Variants in NLRP9 observed in about 807,000 individuals in gnomAD.
The protein encoded by NLRP9 is NLR family pyrin domain containing 9.
In NLRP9, 88 loss-of-function variants were observed where a neutral mutation model predicts 83.1. The ratio of observed to expected loss-of-function variants is 1.06; its 90% CI spans 0.89 to 1.26. The LOEUF (loss-of-function observed/expected upper bound fraction) is 1.26, where lower values mean the gene tolerates loss of function less well. Among genes scored for constraint, NLRP9 ranks in the 50% most tolerant of loss-of-function variants. NLRP9 has a pLI of 0.00. For synonymous variants in NLRP9, 521 were observed against 447.6 expected (o/e 1.16, Z -2.07); for missense variants, 1,308 against 1,179.3 (o/e 1.11, Z -1.60).
At chr19:55,711,527 C>T (rs1272049324) in intron 8 of NLRP9, 12 of 1,271,392 alleles carry the variant, frequency 9.4e-6, no homozygotes, top group Non-Finnish European at 1.3e-5. Flanking sequence ...AACTGTGTCT[C>T]CGAGGGACTT....
chr19:55,733,119 G>T lies in NLRP9; in HGVS notation c.712C>A (p.Gln238Lys), dbSNP rs748100092. The change falls in exon 2 of 9, where the codon CAA (glutamine) becomes AAA (lysine). Residue 238 changes from glutamine to lysine, a missense_variant. Gln to Lys is a moderately conservative substitution (Grantham distance 53). Coordinates refer to ENST00000332836, the MANE Select transcript of NLRP9 (RefSeq NM_176820.4). ...DGFEQLKFNL[Q>K]LKADLSDDWR... ...TCATCGCTCAAGTCAGCCTTAAGTT[G>T]TAAGTTAAACTTCAGTTGCTCAAAG... The T allele has an allele frequency of 1.2e-6, 2 of 1,614,162 alleles. No individual in the cohort carries two copies. Among genetic ancestry groups the T allele is most frequent in the South Asian group, 1.1e-5 (1 of 91,068 alleles).
chr19:55,720,644 A>C (rs1032526748), intron 4 of NLRP9, among the ~76,000 whole-genome samples: 2 of 152,164 alleles, frequency 1.3e-5, no homozygotes, highest in African/African-American at 2.4e-5. Context: ...TTCCCTAAAC[A>C]CACACAAAAA....
At chr19:55,712,658 C>T (rs1987785938) in intron 6 of NLRP9, 68 bp from the exon 7 acceptor site, 3 of 1,323,810 alleles carry the variant, frequency 2.3e-6, no homozygotes, top group East Asian at 2.6e-5. Context: ...ACCTTATTTT[C>T]ATTTATTCAT....
In NLRP9 at chr19:55,716,316, TG is replaced by T. The variant is rs1231189149; in HGVS notation, c.2330+411del. 1.2e-4 allele frequency among the ~76,000 whole-genome samples: 18 copies of T among 149,184 alleles called. No homozygotes were observed. In the South Asian group the frequency reaches 2.3e-3, roughly 19 times the overall value. On this transcript the variant is annotated intron_variant, in intron 5 of 8. Transcript: ENST00000332836. The stretch of plus-strand genomic sequence containing the variant: ...CTCTGTCTCCCAGGCTGGAGTGCAG[TG>T]GCACAATCTCGGCTCACTGCAACCT...
chr19:55,735,285 T>C (rs538515889), intron 1 of NLRP9, among the ~76,000 whole-genome samples: 15 of 152,298 alleles, frequency 9.8e-5, no homozygotes, highest in Admixed American at 3.3e-4. Flanking sequence ...TGTAAAACTG[T>C]CTTGAATTTA....
intron 3 of NLRP9, among the ~76,000 whole-genome samples, chr19:55,725,929 G>C (rs909966250): frequency 6.6e-6 from 1 of 152,070 alleles, no homozygotes; most frequent in African/African-American, 2.4e-5. Flanking sequence ...GGGAGGCTGA[G>C]GCAGGAGAAT....
chr19:55,738,220 T>C lies in NLRP9; in HGVS notation c.155A>G (p.Lys52Arg), dbSNP rs901149000. Residue 52 changes from lysine to arginine, a missense_variant, in exon 1 of 9, where the codon AAA becomes AGA. Lys to Arg is a conservative substitution (Grantham distance 26). Transcript: ENST00000332836. ...IPWAELKKASKEDVAKLLDKH... is the reference protein window; with the variant it reads ...IPWAELKKASREDVAKLLDKH... ...GTCCAGCAGCTTTGCTACATCTTCT[T>C]TGGAGGCCTTCTTCAGCTCAGCCCA... 5 of 1,614,186 alleles carry C rather than the reference T, an allele frequency of 3.1e-6. No individual in the cohort carries two copies. Among genetic ancestry groups the C allele is most frequent in the South Asian group, 2.2e-5 (2 of 91,086 alleles).
At chr19:55,715,007 TC>T in intron 6 of NLRP9, 47 bp downstream of exon 6, 1 of 1,535,260 alleles carries the variant, frequency 6.5e-7, no homozygotes, top group East Asian at 2.3e-5. Context: ...AGCCACAGTA[TC>T]CAAAAAAAGA....
At chr19:55,721,471 G>A (rs778189678) in intron 4 of NLRP9, among the ~76,000 whole-genome samples, 1 of 152,026 alleles carries the variant, frequency 6.6e-6, no homozygotes, top group Non-Finnish European at 1.5e-5. Context: ...TTGGATTTAG[G>A]CAAATACCCC....
At chr19:55,722,382 A>G (rs1462909424) in intron 4 of NLRP9, among the ~76,000 whole-genome samples, 1 of 152,234 alleles carries the variant, frequency 6.6e-6, no homozygotes, top group East Asian at 1.9e-4. Context: ...AAAAGTTGCC[A>G]TGATATGGAA....
Position 55,734,604 on chromosome 19 carries a change from T to TAC in NLRP9, c.281-1056_281-1055dup, listed in dbSNP as rs35062004. On this transcript the variant is annotated intron_variant, in intron 1 of 8. Coordinates refer to ENST00000332836, the MANE Select transcript of NLRP9 (RefSeq NM_176820.4). ...ATATATACACATATATACATACACATACACACACACACACACATATATATA... is the reference window on the plus strand; with the variant it reads ...ATATATACACATATATACATACACATACACACACACACACACACATATATATA... Among the ~76,000 whole-genome samples, 770 of 132,318 alleles carry TAC rather than the reference T, an allele frequency of 5.8e-3. 4 individuals carry two copies. Among genetic ancestry groups the TAC allele is most frequent in the Middle Eastern group, 0.016 (4 of 250 alleles). 86.8% of individuals were successfully genotyped at this position (132,318 alleles called of 152,430 possible).
At chr19:55,721,781 A>C (rs374116370) in intron 4 of NLRP9, among the ~76,000 whole-genome samples, 3 of 152,182 alleles carry the variant, frequency 2.0e-5, no homozygotes, top group Non-Finnish European at 4.4e-5. Context: ...TTCTCCTGAC[A>C]GTGAATATGT....
In NLRP9 at chr19:55,716,713, C is replaced by T. The variant is rs988198071; in HGVS notation, c.2330+15G>A. ...TTCAGAAATCTCCGAACGTGCTTCC[C>T]GCAGACCAACTTACATCAGCCTCTC... On this transcript the variant is annotated intron_variant, in intron 5 of 8. Coordinates refer to ENST00000332836, the MANE Select transcript of NLRP9 (RefSeq NM_176820.4). 1.9e-6 allele frequency: 3 copies of T among 1,609,878 alleles called. No homozygotes were observed. Among genetic ancestry groups the T allele is most frequent in the Non-Finnish European group, 1.7e-6 (2 of 1,176,594 alleles).
chr19:55,723,299 G>A (rs910746413), intron 4 of NLRP9, among the ~76,000 whole-genome samples: 1 of 151,986 alleles, frequency 6.6e-6, no homozygotes, highest in African/African-American at 2.4e-5. Context: ...CAAATCAGAC[G>A]ATCACACTTG....
At chr19:55,713,570 ACCTTCTCTCCCTCCTCCCCTCCT>A (rs1249272765) in intron 6 of NLRP9, among the ~76,000 whole-genome samples, 1 of 82,160 alleles carries the variant, frequency 1.2e-5, no homozygotes, top group Non-Finnish European at 2.5e-5. Flanking sequence ...TGCCCCTGGC[ACCTTCTCTCCCTCCTCCCCTCCT>A]CCTCCTCTCC....
intron 6 of NLRP9, 21 bp from the exon 7 acceptor site, chr19:55,712,611 C>A (rs765707308): frequency 6.2e-7 from 1 of 1,606,154 alleles, no homozygotes; most frequent in African/African-American, 1.3e-5. Context: ...GGAAGACACA[C>A]AAATACGTAC....
rs1600123655 is a variant in NLRP9, at chr19:55,711,885, G to A, written c.2758C>T (p.Leu920Phe). 1 of 1,613,390 alleles carries A rather than the reference G, an allele frequency of 6.2e-7. No individual in the cohort carries two copies. Among genetic ancestry groups the A allele is most frequent in the East Asian group, 2.2e-5 (1 of 44,876 alleles). Residue 920 changes from leucine (L) to phenylalanine (F), a missense_variant, in exon 8 of 9, where the codon CTC becomes TTC. Leu to Phe is a conservative substitution (Grantham distance 22, BLOSUM62 0). Transcript: ENST00000332836. ...IACKTLRSLN[L>F]DWIALDADAV... ...TCAGCATCCAAGGCAATCCAGTCGA[G>A]GTTCAGGCTCCTCAGTGTTTTGCAG...
At chr19:55,731,858 C>T in intron 2 of NLRP9, 141 bp downstream of exon 2, 2 of 582,256 alleles carry the variant, frequency 3.4e-6, no homozygotes, top group Non-Finnish European at 6.1e-6. Flanking sequence ...CACAGCAGTG[C>T]CAAGGCTCGA....
chr19:55,723,987 C>G lies in NLRP9; in HGVS notation c.2152G>C (p.Glu718Gln), dbSNP rs1459818263. 11 of 1,612,670 alleles carry G rather than the reference C, an allele frequency of 6.8e-6. No homozygotes were observed. The highest frequency in any genetic ancestry group is 9.3e-6 in the Non-Finnish European group (11 of 1,179,546). Residue 718 changes from glutamate (E) to glutamine (Q), a missense_variant, in exon 4 of 9, where the codon GAG (glutamate) becomes CAG (glutamine). By Grantham distance (29) the Glu-to-Gln change is conservative. Transcript: ENST00000332836. ...TLKHPMCKIE[E>Q]LILGKCDISS... ...TGAACAGCCCGGACTTACATCAGCT[C>G]TTCTATCTTGCACATTGGATGTTTC... is the stretch of plus-strand genomic sequence containing the variant.
Sources: allele counts gnomAD v4.1 joint callset (sites outside exome capture counted in the v4.1 genomes callset), GRCh38; gene constraint gnomAD v4.1.1; transcripts MANE v1.5; gene names NCBI Gene and HGNC (gene_info 2026-07-23, HGNC 2026-07-21).